The following APBA1 variants were observed in gnomAD, a reference collection of about 807,000 sequenced individuals.
APBA1 encodes amyloid-beta A4 precursor protein-binding family A member 1.
Under a neutral mutation model 86.6 loss-of-function variants are expected in APBA1, and 55 were observed. The observed-to-expected ratio is 0.64, with a 90% CI of 0.51 to 0.80. The LOEUF is 0.80. Ranked by LOEUF, APBA1 falls within the 30% of genes least tolerant of loss-of-function variation. APBA1 has a pLI of 0.00. For synonymous variants in APBA1, 511 were observed against 493.9 expected (o/e 1.03, Z -0.46); for missense variants, 1,090 against 1,183.0 (o/e 0.92, Z 1.15).
intron 11 of APBA1, among the ~76,000 whole-genome samples, chr9:69,434,392 C>A (rs1313202149): frequency 6.6e-6 from 1 of 151,760 alleles, no homozygotes; most frequent in Admixed American, 6.6e-5. Flanking sequence ...TTGATGGATT[C>A]CTTCAGGGAA....
At chr9:69,562,167 G>A (rs1036089343) in intron 1 of APBA1, among the ~76,000 whole-genome samples, 10 of 151,852 alleles carry the variant, frequency 6.6e-5, no homozygotes, top group African/African-American at 1.5e-4. Flanking sequence ...ATTATACAAC[G>A]TATACGTGTA....
intron 1 of APBA1, among the ~76,000 whole-genome samples, chr9:69,595,587 T>C (rs1822211393): frequency 6.6e-6 from 1 of 152,252 alleles, no homozygotes; most frequent in South Asian, 2.1e-4. Flanking sequence ...GTGATAACTG[T>C]TTCCTTTTGC....
intron 1 of APBA1, among the ~76,000 whole-genome samples, chr9:69,574,995 G>C (rs570144752): frequency 6.6e-6 from 1 of 152,136 alleles, no homozygotes; most frequent in South Asian, 2.1e-4. Flanking sequence ...GCTCATTGCA[G>C]CCCCTCAACC....
Position 69,550,037 on chromosome 9 carries a change from T to C in APBA1, c.-69-32758A>G, listed in dbSNP as rs145577436. 5.9e-3 allele frequency among the ~76,000 whole-genome samples: 902 copies of C among 152,336 alleles called. 14 individuals carry two copies. Among genetic ancestry groups the C allele is most frequent in the African/African-American group, 0.021 (865 of 41,574 alleles). ...ATCTGAAAAATGGGAATAATACCAGTTCCACTTAACTTCTATGATTGTTAT... is the reference window on the plus strand; with the variant it reads ...ATCTGAAAAATGGGAATAATACCAGCTCCACTTAACTTCTATGATTGTTAT... On this transcript the variant is annotated intron_variant, in intron 1 of 12. Coordinates refer to ENST00000265381, the MANE Select transcript of APBA1 (RefSeq NM_001163.4).
intron 1 of APBA1, among the ~76,000 whole-genome samples, chr9:69,645,708 C>T (rs555358759): frequency 6.6e-6 from 1 of 152,306 alleles, no homozygotes; most frequent in East Asian, 1.9e-4. Context: ...GCACACTCGA[C>T]ACAGAGGTAG....
At chr9:69,544,876 C>T (rs1272372237) in intron 1 of APBA1, among the ~76,000 whole-genome samples, 1 of 152,180 alleles carries the variant, frequency 6.6e-6, no homozygotes, top group African/African-American at 2.4e-5. Flanking sequence ...CCATTCTCTA[C>T]CCAGGGAGGG....
At chr9:69,476,188 G>T (rs2777862) in intron 2 of APBA1, 45 bp from the exon 3 acceptor site, 286,548 of 1,434,010 alleles carry the variant, frequency 0.2, 29,848 homozygotes, top group South Asian at 0.3. Context: ...TGAGAGACTC[G>T]GCAGACACTT....
At chr9:69,533,651 G>T (rs1836465209) in intron 1 of APBA1, among the ~76,000 whole-genome samples, 1 of 152,114 alleles carries the variant, frequency 6.6e-6, no homozygotes, top group Non-Finnish European at 1.5e-5. Flanking sequence ...GCAGGGGTGG[G>T]AGTGGTAAAA....
chr9:69,648,489 T>C (rs1279777521), intron 1 of APBA1, among the ~76,000 whole-genome samples: 1 of 152,248 alleles, frequency 6.6e-6, no homozygotes, highest in African/African-American at 2.4e-5. Context: ...AAAATACTTA[T>C]ACTTTGGTAA....
At chr9:69,493,979 GT>G (rs935799597) in intron 2 of APBA1, among the ~76,000 whole-genome samples, 9 of 151,406 alleles carry the variant, frequency 5.9e-5, no homozygotes, top group East Asian at 1.9e-4. Context: ...TATATGATAA[GT>G]TTTTTTTTCT....
chr9:69,554,805 A>G (rs1301256626), intron 1 of APBA1, among the ~76,000 whole-genome samples: 4 of 152,144 alleles, frequency 2.6e-5, no homozygotes, highest in African/African-American at 9.7e-5. Flanking sequence ...AAAAAAACAC[A>G]CATGGTGATG....
Position 69,514,836 on chromosome 9 carries a change from G to C in APBA1, c.1200+1175C>G, listed in dbSNP as rs192749560. Among the ~76,000 whole-genome samples the C allele has an allele frequency of 1.1e-3, 170 of 152,240 alleles. 1 individual carries two copies. Among genetic ancestry groups the C allele is most frequent in the Non-Finnish European group, 1.5e-3 (103 of 68,016 alleles). Reference sequence around the variant, plus strand: ...GAGGTAGAATTGCTTGAACCTGGGAGGCAGAGGTTACGGTGAGCGGAGATT... The same window carrying C: ...GAGGTAGAATTGCTTGAACCTGGGACGCAGAGGTTACGGTGAGCGGAGATT... On this transcript the variant is annotated intron_variant, in intron 2 of 12. Transcript: ENST00000265381.
intron 1 of APBA1, among the ~76,000 whole-genome samples, chr9:69,579,834 G>C (rs1018074336): frequency 2.0e-4 from 31 of 152,318 alleles, no homozygotes; most frequent in African/African-American, 7.5e-4. Flanking sequence ...TTTGGAAATA[G>C]ATCTAATTTG....
intron 1 of APBA1, among the ~76,000 whole-genome samples, chr9:69,574,759 G>A (rs957071199): frequency 3.9e-5 from 6 of 152,038 alleles, no homozygotes; most frequent in Non-Finnish European, 5.9e-5. Context: ...ATACTGCTTC[G>A]TGATAAATAA....
chr9:69,515,225 G>A (rs1836116957), intron 2 of APBA1, among the ~76,000 whole-genome samples: 1 of 152,168 alleles, frequency 6.6e-6, no homozygotes, highest in Admixed American at 6.5e-5. Flanking sequence ...GCCAGACGCA[G>A]ACCCTCCACA....
chr9:69,541,778 A>G (rs1202432901), intron 1 of APBA1, among the ~76,000 whole-genome samples: 1 of 152,142 alleles, frequency 6.6e-6, no homozygotes, highest in East Asian at 1.9e-4. Flanking sequence ...GAGTAAATAC[A>G]CTATAGAAAA....
At chr9:69,468,273 G>A (rs1240705244) in intron 4 of APBA1, among the ~76,000 whole-genome samples, 1 of 152,212 alleles carries the variant, frequency 6.6e-6, no homozygotes, top group Non-Finnish European at 1.5e-5. Context: ...TAGACTGTGA[G>A]CTCTTAGGGG....
intron 1 of APBA1, among the ~76,000 whole-genome samples, chr9:69,610,806 C>T (rs933886891): frequency 6.6e-6 from 1 of 152,134 alleles, no homozygotes; most frequent in Non-Finnish European, 1.5e-5. Context: ...CCAGGTTCTC[C>T]AGGACTCCTG....
chr9:69,516,418 C>G lies in APBA1; in HGVS notation c.793G>C (p.Glu265Gln), dbSNP rs150929571. Residue 265 changes from glutamate (E) to glutamine (Q), a missense_variant, in exon 2 of 13, where the codon GAG (glutamate) becomes CAG (glutamine). Physicochemically the swap from Glu to Gln is conservative, Grantham distance 29 (BLOSUM62 2). Around this residue, in one of 6 missense-constraint regions of APBA1, gnomAD observed 678 missense variants for 647.1 expected, o/e 1.05. Coordinates refer to ENST00000265381, the MANE Select transcript of APBA1 (RefSeq NM_001163.4). This position sits in a 1 kb window ranked among gnomAD's most constrained non-coding sequence, Gnocchi z 7.3. ...ATCTGGTCGATGTCCTCCTCCTGCT[C>G]GTAGCTGTCCATGCGCGGGTAGGGC... ...FAPYPRMDSY[E>Q]QEEDIDQIVA... 390 of 1,604,898 alleles carry G rather than the reference C, an allele frequency of 2.4e-4. No individual in the cohort carries two copies. The highest frequency in any genetic ancestry group is 2.8e-4 in the Non-Finnish European group (333 of 1,178,742).
Sources: gnomAD v4.1 joint callset for allele counts (sites outside exome capture counted in the v4.1 genomes callset) on GRCh38, gnomAD v4.1.1 for gene constraint, gnomAD v4.1.1 regional missense constraint, Gnocchi (gnomAD v3.1) non-coding constraint, MANE v1.5 for transcripts, NCBI Gene and HGNC (gene_info 2026-07-23, HGNC 2026-07-21) for gene names.